Variants in FGF12 observed in about 807,000 individuals in gnomAD.
FGF12 encodes the protein fibroblast growth factor 12B.
A neutral mutation model predicts 23.6 loss-of-function variants in FGF12; 14 were observed. That is an observed-to-expected ratio of 0.59 (90% confidence interval 0.39 to 0.93). FGF12 has a LOEUF of 0.93. FGF12 is among the 40% of genes least tolerant of loss of function. FGF12 has a pLI of 0.00. For synonymous variants in FGF12, 62 were observed against 77.3 expected (o/e 0.80, Z 1.04); for missense variants, 175 against 217.8 (o/e 0.80, Z 1.24).
Position 192,514,691 on chromosome 3 carries a change from G to A in FGF12, c.14-154153C>T. On this transcript the variant is annotated intron_variant, in intron 2 of 5. Transcript: ENST00000445105. The surrounding 1 kb of genome is among the most constrained non-coding windows in gnomAD (Gnocchi z 4.9). ...CCACTTGGGCTGTCGCTGGACCTCA[G>A]GCTCCTTCCACAGAGACACTGCAGC... 3.0e-6 allele frequency: 3 copies of A among 985,352 alleles called. No individual in the cohort carries two copies. In the South Asian group the frequency reaches 1.4e-4, roughly 46 times the overall value. The allele number at this position is 985,352 out of a possible 1,614,324, so 61.0% of individuals were successfully genotyped here.
intron 4 of FGF12, among the ~76,000 whole-genome samples, chr3:192,217,947 C>T (rs1285091160): frequency 6.6e-6 from 1 of 152,010 alleles, no homozygotes; most frequent in Non-Finnish European, 1.5e-5. Flanking sequence ...AGCAATTCTC[C>T]TGCCTCATCC....
intron 4 of FGF12, among the ~76,000 whole-genome samples, chr3:192,193,593 G>C (rs185943036): frequency 3.3e-5 from 5 of 152,172 alleles, no homozygotes; most frequent in African/African-American, 1.2e-4. Context: ...AATGATTAGA[G>C]TTACTTTGGT....
intron 4 of FGF12, among the ~76,000 whole-genome samples, chr3:192,196,769 T>C (rs533013288): frequency 1.2e-4 from 19 of 152,324 alleles, no homozygotes; most frequent in African/African-American, 4.3e-4. Flanking sequence ...TTTTTGTGTG[T>C]GACAATTTGA....
rs974246095 is a variant in FGF12, at chr3:192,342,001, T to C, written c.125-6537A>G. On this transcript the variant is annotated intron_variant, in intron 3 of 5. Coordinates refer to ENST00000445105, the MANE Select transcript of FGF12 (RefSeq NM_004113.6). ...AGGACTTACTGTATGCCAAATACCA[T>C]GCCTAGGCTAAAAAAAGAGTGACGA... 2.6e-5 allele frequency among the ~76,000 whole-genome samples: 4 copies of C among 152,184 alleles called. No individual in the cohort carries two copies. The East Asian group carries it at 7.7e-4, about 29-fold the overall frequency.
rs145400531 is a variant in FGF12 at position 192,213,957 on chromosome 3, A to G, written c.229-43301T>C. Reference sequence around the variant, plus strand: ...GGGGAACTTCCTGGAGTACCAGGGCATGAAAGACCCAAGTCAAGAAAAGGG... The same window carrying G: ...GGGGAACTTCCTGGAGTACCAGGGCGTGAAAGACCCAAGTCAAGAAAAGGG... On this transcript the variant is annotated intron_variant, in intron 4 of 5. Transcript: ENST00000445105. Among the ~76,000 whole-genome samples, 263 of 152,346 alleles carry G rather than the reference A, an allele frequency of 1.7e-3. 2 individuals carry two copies. Among genetic ancestry groups the G allele is most frequent in the East Asian group, 6.7e-3 (35 of 5,188 alleles).
intron 5 of FGF12, among the ~76,000 whole-genome samples, chr3:192,168,063 C>T (rs1438524296): frequency 6.6e-6 from 1 of 151,774 alleles, no homozygotes; most frequent in African/African-American, 2.4e-5. Context: ...CCAAGCCTGG[C>T]CTAGGTGTAT....
intron 4 of FGF12, among the ~76,000 whole-genome samples, chr3:192,183,066 T>C (rs552502614): frequency 2.5e-4 from 38 of 152,324 alleles, no homozygotes; most frequent in African/African-American, 8.9e-4. Context: ...GAGGAGAGAC[T>C]ATAATGGTCA....
chr3:192,538,649 AT>A (rs928933664), intron 2 of FGF12, among the ~76,000 whole-genome samples: 23 of 152,018 alleles, frequency 1.5e-4, no homozygotes, highest in Admixed American at 1.4e-3. Flanking sequence ...AATTTTCAAA[AT>A]TTTTTTTCTA....
chr3:192,293,155 A>G (rs1714849233), intron 4 of FGF12, among the ~76,000 whole-genome samples: 1 of 152,174 alleles, frequency 6.6e-6, no homozygotes, highest in East Asian at 1.9e-4. Flanking sequence ...AGAAAGAGAT[A>G]TTAAAGAAGG....
At chr3:192,544,667 T>A (rs778966198) in intron 2 of FGF12, among the ~76,000 whole-genome samples, 5 of 152,216 alleles carry the variant, frequency 3.3e-5, no homozygotes, top group African/African-American at 9.6e-5. Context: ...AATTTTTTTT[T>A]ATAGAAGTAG....
chr3:192,596,288 CT>C (rs1343508904), intron 2 of FGF12, among the ~76,000 whole-genome samples: 2 of 151,730 alleles, frequency 1.3e-5, no homozygotes, highest in Non-Finnish European at 2.9e-5. Flanking sequence ...TCAATGACTA[CT>C]TTTTTTGTTT....
At chr3:192,263,407 A>G (rs1712881461) in intron 4 of FGF12, among the ~76,000 whole-genome samples, 1 of 152,088 alleles carries the variant, frequency 6.6e-6, no homozygotes, top group South Asian at 2.1e-4. Context: ...CAGAAGAATC[A>G]GAATCTATAT....
chr3:192,425,639 G>T (rs993520687), intron 2 of FGF12, among the ~76,000 whole-genome samples: 2 of 152,154 alleles, frequency 1.3e-5, no homozygotes, highest in Non-Finnish European at 2.9e-5. Flanking sequence ...AAGAAAATAA[G>T]ATATATGGAG....
rs548475196 is a variant in FGF12 at position 192,592,308 on chromosome 3, G to C, written c.13+134873C>G. On this transcript the variant is annotated intron_variant, in intron 2 of 5. Transcript: ENST00000445105. ...TCGTTATTTGCCCCTGTCTTTGCTGGTGTACACTGTAGCACATTTCAGACT... is the reference window on the plus strand; with the variant it reads ...TCGTTATTTGCCCCTGTCTTTGCTGCTGTACACTGTAGCACATTTCAGACT... 5.9e-5 allele frequency among the ~76,000 whole-genome samples: 9 copies of C among 151,904 alleles called. No homozygotes were observed. The East Asian group carries it at 1.7e-3, about 29-fold the overall frequency.
intron 2 of FGF12, among the ~76,000 whole-genome samples, chr3:192,439,660 G>A (rs1241801579): frequency 6.6e-6 from 1 of 152,120 alleles, no homozygotes; most frequent in African/African-American, 2.4e-5. Flanking sequence ...GCATCTGTGA[G>A]CCAGAGAGGT....
intron 2 of FGF12, among the ~76,000 whole-genome samples, chr3:192,542,219 A>C (rs1725386315): frequency 6.6e-6 from 1 of 151,904 alleles, no homozygotes; most frequent in African/African-American, 2.4e-5. Flanking sequence ...GGCTATTTCC[A>C]AATAGCCTGC....
intron 4 of FGF12, among the ~76,000 whole-genome samples, chr3:192,209,825 A>C (rs144467809): frequency 2.7e-4 from 41 of 152,354 alleles, no homozygotes; most frequent in African/African-American, 9.9e-4. Flanking sequence ...AGCAGTTGGT[A>C]CAGCCAGAAA....
intron 2 of FGF12, among the ~76,000 whole-genome samples, chr3:192,401,244 A>G (rs1253453822): frequency 6.6e-6 from 1 of 152,242 alleles, no homozygotes; most frequent in Non-Finnish European, 1.5e-5. Flanking sequence ...CTGCTTCTGC[A>G]TTCAATCTCT....
intron 3 of FGF12, among the ~76,000 whole-genome samples, chr3:192,352,279 T>C (rs753308968): frequency 6.6e-6 from 1 of 152,192 alleles, no homozygotes; most frequent in Non-Finnish European, 1.5e-5. Context: ...CATTAGCAAA[T>C]GTGAGCACTT....
Sources: allele counts gnomAD v4.1 joint callset (sites outside exome capture counted in the v4.1 genomes callset), GRCh38; gene constraint gnomAD v4.1.1; non-coding constraint Gnocchi (gnomAD v3.1); transcripts MANE v1.5; gene names NCBI Gene and HGNC (gene_info 2026-07-23, HGNC 2026-07-21).